CYP7B1: variants seen among roughly 807,000 people sequenced by gnomAD.
CYP7B1 encodes cytochrome P450 7B1.
In CYP7B1, 29 loss-of-function variants were observed where a neutral mutation model predicts 42.7. That is an observed-to-expected ratio of 0.68 (90% confidence interval 0.51 to 0.93). The LOEUF is 0.93. Ranked by LOEUF, CYP7B1 falls within the 40% of genes least tolerant of loss-of-function variation. CYP7B1 has a pLI of 0.00. For missense variants in CYP7B1, 655 were observed against 600.5 expected, an observed-to-expected ratio of 1.09 and a Z score of -0.95; for synonymous variants, 235 against 218.2, an observed-to-expected ratio of 1.08 and a Z score of -0.68.
intron 1 of CYP7B1, among the ~76,000 whole-genome samples, chr8:64,678,911 A>G (rs1472790203): frequency 1.7e-5 from 2 of 115,080 alleles, no homozygotes; most frequent in Non-Finnish European, 3.9e-5. Context: ...GTGTGTGTGT[A>G]TAGAGAGATA....
intron 1 of CYP7B1, among the ~76,000 whole-genome samples, chr8:64,624,768 T>C (rs938001693): frequency 2.0e-4 from 31 of 151,834 alleles, no homozygotes; most frequent in African/African-American, 7.3e-4. Flanking sequence ...ATTTCAACAG[T>C]TTTTGGGGAT....
At chr8:64,751,326 G>A (rs1405825694) in intron 1 of CYP7B1, among the ~76,000 whole-genome samples, 2 of 152,012 alleles carry the variant, frequency 1.3e-5, no homozygotes, top group African/African-American at 2.4e-5. Context: ...GACATCACAT[G>A]GAATTGTAAA....
At chr8:64,779,049 T>A (rs1165474335) in intron 1 of CYP7B1, among the ~76,000 whole-genome samples, 2 of 152,110 alleles carry the variant, frequency 1.3e-5, no homozygotes. Flanking sequence ...TGTGTGTAAA[T>A]GTGTGTATTC....
intron 1 of CYP7B1, among the ~76,000 whole-genome samples, chr8:64,793,986 T>A: frequency 6.7e-6 from 1 of 150,264 alleles, no homozygotes; most frequent in Admixed American, 6.6e-5. Context: ...AATCAACCAA[T>A]TTATACTTGC....
In CYP7B1 at chr8:64,596,576, G is replaced by T; in HGVS notation, c.*66C>A. On this transcript the variant is annotated 3_prime_UTR_variant, in exon 6 of 6. Transcript: ENST00000310193. ...CAATTACATTTGCAGAAATTAAAAA[G>T]AAATAGATGAGCTTAGGATGTTTAG... 6.9e-7 allele frequency: 1 copy of T among 1,440,710 alleles called. No individual in the cohort carries two copies. Among genetic ancestry groups the T allele is most frequent in the Non-Finnish European group, 9.5e-7 (1 of 1,056,182 alleles). 89.2% of individuals were successfully genotyped at this position (1,440,710 alleles called of 1,614,324 possible). A position where few individuals can be genotyped will look rare whatever the true frequency, so the allele number is the denominator to read the frequency against.
At chr8:64,781,976 T>C (rs1291601381) in intron 1 of CYP7B1, among the ~76,000 whole-genome samples, 2 of 152,132 alleles carry the variant, frequency 1.3e-5, no homozygotes, top group African/African-American at 4.8e-5. Context: ...AATGAGACAA[T>C]AGATGCAAAA....
At chr8:64,763,726 C>T (rs899674940) in intron 1 of CYP7B1, among the ~76,000 whole-genome samples, 8 of 152,296 alleles carry the variant, frequency 5.3e-5, no homozygotes, top group East Asian at 1.9e-4. Flanking sequence ...CTGGGGAAGC[C>T]GAGGCCGCCT....
intron 1 of CYP7B1, among the ~76,000 whole-genome samples, chr8:64,733,499 CA>C (rs1234499312): frequency 1.3e-5 from 2 of 152,174 alleles, no homozygotes; most frequent in East Asian, 3.9e-4. Context: ...GCAGTATTTA[CA>C]AAGAAGAATT....
downstream of CYP7B1, among the ~76,000 whole-genome samples, chr8:64,590,738 T>A (rs1187321292): frequency 2.6e-5 from 4 of 152,178 alleles, no homozygotes; most frequent in Non-Finnish European, 5.9e-5. Flanking sequence ...GAAATGGAGA[T>A]GAGGAGATAT....
chr8:64,684,194 A>C (rs1806585327), intron 1 of CYP7B1, among the ~76,000 whole-genome samples: 1 of 152,166 alleles, frequency 6.6e-6, no homozygotes, highest in Non-Finnish European at 1.5e-5. Context: ...GGGTTTACAC[A>C]CTCCTCATCC....
At chr8:64,727,016 T>C (rs1243037892) in intron 1 of CYP7B1, among the ~76,000 whole-genome samples, 3 of 152,172 alleles carry the variant, frequency 2.0e-5, no homozygotes, top group African/African-American at 7.2e-5. Flanking sequence ...AGCATGAACC[T>C]GCAACACAAA....
At chr8:64,617,055 C>T (rs1010549911) in intron 2 of CYP7B1, among the ~76,000 whole-genome samples, 6 of 152,224 alleles carry the variant, frequency 3.9e-5, no homozygotes, top group African/African-American at 9.6e-5. Flanking sequence ...GATTGTGATA[C>T]GGCAGGGGTG....
chr8:64,787,221 G>A (rs897332081), intron 1 of CYP7B1, among the ~76,000 whole-genome samples: 3 of 148,524 alleles, frequency 2.0e-5, no homozygotes, highest in Non-Finnish European at 4.4e-5. Flanking sequence ...TCTGTGGCAG[G>A]CTTGAGTTTC....
At chr8:64,732,550 C>A (rs977768454) in intron 1 of CYP7B1, among the ~76,000 whole-genome samples, 1 of 152,114 alleles carries the variant, frequency 6.6e-6, no homozygotes, top group African/African-American at 2.4e-5. Context: ...CATGGACTTG[C>A]ACTTTTGGGT....
intron 1 of CYP7B1, among the ~76,000 whole-genome samples, chr8:64,633,415 A>C (rs1805725847): frequency 6.6e-6 from 1 of 152,218 alleles, no homozygotes; most frequent in Non-Finnish European, 1.5e-5. Flanking sequence ...GTTGCAAGGT[A>C]CAAGATTAAT....
intron 1 of CYP7B1, among the ~76,000 whole-genome samples, chr8:64,704,268 G>T (rs1585866659): frequency 6.6e-6 from 1 of 151,976 alleles, no homozygotes; most frequent in African/African-American, 2.4e-5. Flanking sequence ...GTACAGAAAA[G>T]ATTTTTACCC....
intron 1 of CYP7B1, among the ~76,000 whole-genome samples, chr8:64,726,345 T>C (rs1372760281): frequency 1.3e-5 from 2 of 152,232 alleles, no homozygotes; most frequent in Admixed American, 6.5e-5. Context: ...TAAGAAAGTC[T>C]GCCTTTTAAA....
chr8:64,590,081 A>G (rs572891067), downstream of CYP7B1, among the ~76,000 whole-genome samples: 14 of 152,364 alleles, frequency 9.2e-5, no homozygotes, highest in South Asian at 2.9e-3. Flanking sequence ...TAATTCTGGA[A>G]GGTTCTGCAA....
intron 1 of CYP7B1, among the ~76,000 whole-genome samples, chr8:64,643,156 T>TATATATAC: frequency 1.9e-5 from 2 of 106,152 alleles, no homozygotes; most frequent in Non-Finnish European, 4.0e-5. Flanking sequence ...CATATATACA[T>TATATATAC]ATATACACAT....
Sources: gnomAD v4.1 joint callset for allele counts (sites outside exome capture counted in the v4.1 genomes callset) on GRCh38, gnomAD v4.1.1 for gene constraint, MANE v1.5 for transcripts, NCBI Gene and HGNC (gene_info 2026-07-23, HGNC 2026-07-21) for gene names.